KCTD18: variants seen among roughly 807,000 people sequenced by gnomAD.
The protein encoded by KCTD18 is potassium channel tetramerization domain containing 18.
KCTD18 carries 22 observed loss-of-function variants against 30.4 expected under a neutral mutation model. The ratio of observed to expected loss-of-function variants is 0.72; its 90% CI spans 0.52 to 1.03. The LOEUF (loss-of-function observed/expected upper bound fraction) is 1.03, where lower values mean the gene tolerates loss of function less well. Ranked by LOEUF, KCTD18 falls within the 50% of genes least tolerant of loss-of-function variation. The probability of loss-of-function intolerance (pLI) is 0.00; values close to 1 mark genes in which losing one functional copy is unlikely to be tolerated. For synonymous variants in KCTD18, 186 were observed against 209.0 expected (o/e 0.89, Z 0.95); for missense variants, 529 against 547.6 (o/e 0.97, Z 0.34).
intron 6 of KCTD18, among the ~76,000 whole-genome samples, chr2:200,492,765 G>T (rs74426879): frequency 1.3e-5 from 2 of 152,242 alleles, no homozygotes; most frequent in Non-Finnish European, 2.9e-5. Flanking sequence ...TGCTATTTGT[G>T]GCAATAGGAA....
At chr2:200,503,716 A>C (rs558286376) in intron 3 of KCTD18, among the ~76,000 whole-genome samples, 1 of 152,330 alleles carries the variant, frequency 6.6e-6, no homozygotes, top group Non-Finnish European at 1.5e-5. Context: ...TCTGGAACCA[A>C]ATCAACTTTC....
At chr2:200,495,479 T>C (rs904805573) in intron 5 of KCTD18, among the ~76,000 whole-genome samples, 7 of 152,180 alleles carry the variant, frequency 4.6e-5, no homozygotes, top group Non-Finnish European at 8.8e-5. Context: ...GAAGTAAAAT[T>C]ACTGGGTCAA....
intron 3 of KCTD18, among the ~76,000 whole-genome samples, chr2:200,499,697 G>C (rs2088055017): frequency 6.6e-6 from 1 of 151,432 alleles, no homozygotes; most frequent in Non-Finnish European, 1.5e-5. Flanking sequence ...TTCTACCAGA[G>C]GTACAAGGAG....
In KCTD18 at chr2:200,507,227, T is replaced by A. The variant is rs1330670095; in HGVS notation, c.-75-136A>T. On this transcript the variant is annotated intron_variant, in intron 1 of 6. Coordinates refer to ENST00000359878, the MANE Select transcript of KCTD18 (RefSeq NM_152387.4). ...TTGAATTGAAGGATTTTATATAATA[T>A]AAGAGAATTTCGAGATATGCTAAGA... 1.9e-5 allele frequency: 7 copies of A among 373,280 alleles called. No homozygotes were observed. In the East Asian group the frequency reaches 3.2e-4, roughly 17 times the overall value. 23.1% of individuals were successfully genotyped at this position (373,280 alleles called of 1,614,324 possible). A position where few individuals can be genotyped will look rare whatever the true frequency, so the allele number is the denominator to read the frequency against.
In KCTD18 at chr2:200,506,938, GC is replaced by G; in HGVS notation, c.78del (p.Arg27GlyfsTer22). On this transcript the variant is annotated frameshift_variant, in exon 2 of 7. Transcript: ENST00000359878. LOFTEE classifies it high-confidence loss of function. ...TCCTTGAAGCGGCACAAGGACTCCC[GC>G]CGGGCTGTGTAAATACAGCCACCCA... is the stretch of plus-strand genomic sequence containing the variant. ...LNVGGCIYTARRESLCRFKDS... is the reference protein window; with the variant it reads ...LNVGGCIYTAXRESLCRFKDS... 6.2e-7 allele frequency: 1 copy of G among 1,613,854 alleles called. No individual in the cohort carries two copies. Among genetic ancestry groups the G allele is most frequent in the Non-Finnish European group, 8.5e-7 (1 of 1,179,876 alleles).
In KCTD18 at chr2:200,506,858, T is replaced by C. The variant is rs1208239466; in HGVS notation, c.159A>G (p.Ser53=). The C allele has an allele frequency of 6.2e-7, 1 of 1,613,374 alleles. No homozygotes were observed. The highest frequency in any genetic ancestry group is 8.5e-7 in the Non-Finnish European group (1 of 1,179,776). ...TGCTTTCAGACTTTAGACATTTACC[T>C]GACTCATCTGTTTTTAGAGGAAAGC... ...SGRFPLKTDE[S]GACVIDRDGR... is the part of the protein sequence containing the mutation. The change falls in exon 2 of 7, where the codon TCA becomes TCG. Residue 53 remains serine (S), a splice_region_variant and synonymous_variant. Coordinates refer to ENST00000359878, the MANE Select transcript of KCTD18 (RefSeq NM_152387.4).
At chr2:200,493,976 G>C (rs2087961162) in intron 5 of KCTD18, among the ~76,000 whole-genome samples, 1 of 152,182 alleles carries the variant, frequency 6.6e-6, no homozygotes, top group Admixed American at 6.5e-5. Flanking sequence ...ACAAGAATCT[G>C]AGCTAGTGAG....
chr2:200,499,208 T>C, intron 3 of KCTD18, 124 bp from the exon 4 acceptor site: 2 of 678,998 alleles, frequency 2.9e-6, no homozygotes, highest in Non-Finnish European at 4.7e-6. Flanking sequence ...AAAAAGATTA[T>C]ATATTTCAGC....
At chr2:200,501,379 C>A (rs1279722783) in intron 3 of KCTD18, among the ~76,000 whole-genome samples, 3 of 128,346 alleles carry the variant, frequency 2.3e-5, no homozygotes, top group Non-Finnish European at 5.0e-5. Flanking sequence ...ATTTTTGCAA[C>A]CTACTCATCT....
At chr2:200,499,802 C>T (rs1016141590) in intron 3 of KCTD18, among the ~76,000 whole-genome samples, 6 of 150,402 alleles carry the variant, frequency 4.0e-5, no homozygotes, top group African/African-American at 1.5e-4. Flanking sequence ...ATCCTGATAC[C>T]AAAGCTGGGC....
intron 2 of KCTD18, 147 bp downstream of exon 2, chr2:200,506,710 G>C: frequency 1.6e-6 from 1 of 622,610 alleles, no homozygotes. Flanking sequence ...ATTTCTCCAC[G>C]TACTTAATGA....
Position 200,504,996 on chromosome 2 carries a change from T to C in KCTD18, c.161-37A>G, listed in dbSNP as rs371494195. 6.5e-5 allele frequency: 99 copies of C among 1,516,418 alleles called. 1 individual carries two copies. The African/African-American group carries it at 1.3e-3, about 19-fold the overall frequency. 93.9% of individuals were successfully genotyped at this position (1,516,418 alleles called of 1,614,324 possible). ...TCAGTTCAAAAATGATTATAGAGAT[T>C]CTGTCGATCAATAAGATTTCAACAA... is the stretch of plus-strand genomic sequence containing the variant. On this transcript the variant is annotated intron_variant, in intron 2 of 6. Coordinates refer to ENST00000359878, the MANE Select transcript of KCTD18 (RefSeq NM_152387.4).
At chr2:200,505,298 G>A (rs561508140) in intron 2 of KCTD18, among the ~76,000 whole-genome samples, 1 of 152,238 alleles carries the variant, frequency 6.6e-6, no homozygotes, top group African/African-American at 2.4e-5. Flanking sequence ...TGGTTGTACT[G>A]GTGTACTATA....
Position 200,509,957 on chromosome 2 carries a change from C to G in KCTD18, c.-405G>C, listed in dbSNP as rs564352933. The G allele has an allele frequency of 4.4e-4, 66 of 150,752 alleles. No homozygotes were observed. The highest frequency in any genetic ancestry group is 1.5e-3 in the African/African-American group (64 of 41,508). 9.3% of individuals were successfully genotyped at this position (150,752 alleles called of 1,614,324 possible). On this transcript the variant is annotated 5_prime_UTR_variant, in exon 1 of 7. Transcript: ENST00000359878. The stretch of plus-strand genomic sequence containing the variant: ...TTCCGGGCCCGCGGCCCATCCCGCG[C>G]CCGGCTCTTCCGCACCGGGGGGGTG...
intron 4 of KCTD18, 24 bp from the exon 5 acceptor site, chr2:200,497,871 G>A (rs766097196): frequency 6.9e-7 from 1 of 1,449,554 alleles, no homozygotes; most frequent in Non-Finnish European, 9.7e-7. Context: ...AAAGAGTAAT[G>A]AAAATATACT....
At chr2:200,506,250 G>C (rs1243791010) in intron 2 of KCTD18, among the ~76,000 whole-genome samples, 1 of 152,178 alleles carries the variant, frequency 6.6e-6, no homozygotes, top group Non-Finnish European at 1.5e-5. Context: ...AGCAGGTTCA[G>C]TGAGTACCAG....
At chr2:200,509,425 C>G (rs903805830) in intron 1 of KCTD18, among the ~76,000 whole-genome samples, 3 of 152,114 alleles carry the variant, frequency 2.0e-5, no homozygotes, top group Non-Finnish European at 4.4e-5. Flanking sequence ...AGCAGCACCC[C>G]GATCCCGAGG....
intron 5 of KCTD18, among the ~76,000 whole-genome samples, chr2:200,494,905 C>T (rs905876301): frequency 6.6e-6 from 1 of 152,154 alleles, no homozygotes; most frequent in Non-Finnish European, 1.5e-5. Context: ...TGGGATCATA[C>T]AAAATGCAAC....
intron 3 of KCTD18, among the ~76,000 whole-genome samples, chr2:200,499,578 G>GGAA (rs1448226809): frequency 7.2e-5 from 11 of 151,888 alleles, no homozygotes; most frequent in Admixed American, 6.6e-4. Context: ...GACTAAACCA[G>GGAA]GAAGAAGTTG....
Sources: allele counts gnomAD v4.1 joint callset (sites outside exome capture counted in the v4.1 genomes callset), GRCh38; gene constraint gnomAD v4.1.1; transcripts MANE v1.5; gene names NCBI Gene and HGNC (gene_info 2026-07-23, HGNC 2026-07-21).